WDR72: variants seen among roughly 807,000 people sequenced by gnomAD.
WDR72 encodes the protein WD repeat-containing protein 72.
Under a neutral mutation model 124.2 loss-of-function variants are expected in WDR72, and 120 were observed. That is an observed-to-expected ratio of 0.97 (90% CI 0.83 to 1.12). WDR72 has a LOEUF of 1.12. WDR72 is among the 50% of genes most tolerant of loss of function. The pLI, the probability that WDR72 is intolerant of heterozygous loss-of-function variation, is 0.00. For synonymous variants in WDR72, 452 were observed against 441.7 expected, an observed-to-expected ratio of 1.02 and a Z score of -0.29; for missense variants, 1,387 against 1,278.8, an observed-to-expected ratio of 1.08 and a Z score of -1.29.
chr15:53,620,305 A>G (rs2013939183), intron 14 of WDR72, among the ~76,000 whole-genome samples: 1 of 152,062 alleles, frequency 6.6e-6, no homozygotes, highest in Non-Finnish European at 1.5e-5. Context: ...AAAAATTCAT[A>G]TATATTGTCA....
At chr15:53,718,208 G>A (rs1047030760) in intron 3 of WDR72, among the ~76,000 whole-genome samples, 54 of 152,142 alleles carry the variant, frequency 3.5e-4, no homozygotes, top group African/African-American at 1.3e-3. Context: ...CCTGGCATGT[G>A]TGGTTTTGAA....
chr15:53,680,836 G>C (rs988720574), intron 13 of WDR72, among the ~76,000 whole-genome samples: 3 of 152,172 alleles, frequency 2.0e-5, no homozygotes, highest in Non-Finnish European at 4.4e-5. Flanking sequence ...CAGTGGAATG[G>C]AACCTGCTTC....
chr15:53,516,965 A>T lies in WDR72; in HGVS notation c.*734T>A, dbSNP rs945201533. 7.2e-5 allele frequency: 11 copies of T among 152,036 alleles called. No homozygotes were observed. The highest frequency in any genetic ancestry group is 2.4e-4 in the African/African-American group (10 of 41,442). 9.4% of individuals were successfully genotyped at this position (152,036 alleles called of 1,614,324 possible). A position where few individuals can be genotyped will look rare whatever the true frequency, so the allele number is the denominator to read the frequency against. ...TTATACTTAATAAGGATCAATTGTG[A>T]TATGCTGTAAGTTGATTCCCCTTCC... On this transcript the variant is annotated 3_prime_UTR_variant, in exon 20 of 20. Coordinates refer to ENST00000360509, the MANE Select transcript of WDR72 (RefSeq NM_182758.4).
chr15:53,559,075 G>A (rs1299275669), intron 18 of WDR72, among the ~76,000 whole-genome samples: 1 of 151,900 alleles, frequency 6.6e-6, no homozygotes, highest in Non-Finnish European at 1.5e-5. Context: ...TTAGTTCACA[G>A]AAATATAGCC....
chr15:53,635,642 G>C (rs1273137518), intron 14 of WDR72, among the ~76,000 whole-genome samples: 2 of 152,158 alleles, frequency 1.3e-5, no homozygotes, highest in South Asian at 2.1e-4. Flanking sequence ...TAAACACTGA[G>C]CACTCGTGGA....
chr15:53,672,269 G>C (rs2016018932), intron 13 of WDR72, among the ~76,000 whole-genome samples: 1 of 140,654 alleles, frequency 7.1e-6, no homozygotes, highest in Admixed American at 7.3e-5. Flanking sequence ...GAGACACAAA[G>C]CCTTAAGCAT....
At chr15:53,655,948 C>G (rs967332178) in intron 14 of WDR72, among the ~76,000 whole-genome samples, 1 of 152,224 alleles carries the variant, frequency 6.6e-6, no homozygotes, top group African/African-American at 2.4e-5. Context: ...ACCTCGGCCT[C>G]CCAAAGTGCT....
At chr15:53,648,343 C>T (rs1307702516) in intron 14 of WDR72, among the ~76,000 whole-genome samples, 2 of 152,068 alleles carry the variant, frequency 1.3e-5, no homozygotes, top group African/African-American at 4.8e-5. Context: ...TCTGTACTCA[C>T]CCTCTGGAGA....
intron 18 of WDR72, among the ~76,000 whole-genome samples, chr15:53,552,155 TATG>T (rs1893758231): frequency 6.6e-6 from 1 of 152,040 alleles, no homozygotes; most frequent in African/African-American, 2.4e-5. Flanking sequence ...TGTGTGTGTT[TATG>T]TATGTACTAG....
chr15:53,548,039 G>C (rs546758725), intron 18 of WDR72, among the ~76,000 whole-genome samples: 1 of 152,298 alleles, frequency 6.6e-6, no homozygotes, highest in Non-Finnish European at 1.5e-5. Flanking sequence ...TTGACCACTT[G>C]GATTTGTCTG....
upstream of WDR72, chr15:53,762,718 C>T (rs2019080995): frequency 1.3e-5 from 2 of 152,182 alleles, no homozygotes; most frequent in African/African-American, 4.8e-5. Flanking sequence ...GACCTAGTTG[C>T]TCTTGTCTGA....
At chr15:53,732,878 C>T (rs1055779304) in intron 2 of WDR72, 119 bp downstream of exon 2, 1 of 1,224,610 alleles carries the variant, frequency 8.2e-7, no homozygotes, top group Non-Finnish European at 1.2e-6. Context: ...CAATTTATTA[C>T]TTTAATAAAC....
chr15:53,727,581 A>G (rs2018078760), intron 2 of WDR72, among the ~76,000 whole-genome samples: 2 of 152,178 alleles, frequency 1.3e-5, no homozygotes, highest in Non-Finnish European at 2.9e-5. Flanking sequence ...ATCTCAGAGA[A>G]CAACATACTA....
At chr15:53,545,366 G>A (rs56154550) in intron 18 of WDR72, among the ~76,000 whole-genome samples, 28,262 of 139,634 alleles carry the variant, frequency 0.2, 3,112 homozygotes, top group African/African-American at 0.24. Flanking sequence ...CCGCATATCT[G>A]CAACTATCTG....
At chr15:53,734,004 T>A (rs946898036) in intron 1 of WDR72, among the ~76,000 whole-genome samples, 3 of 152,222 alleles carry the variant, frequency 2.0e-5, no homozygotes, top group Non-Finnish European at 2.9e-5. Flanking sequence ...GGGCCAAGCA[T>A]ACTTCCCACA....
chr15:53,595,056 C>T (rs756406107), intron 18 of WDR72, among the ~76,000 whole-genome samples: 5 of 152,040 alleles, frequency 3.3e-5, no homozygotes, highest in Non-Finnish European at 7.4e-5. Context: ...ATACGCCCAG[C>T]ATTTTGTGAA....
chr15:53,572,012 T>G (rs1894547350), intron 18 of WDR72, among the ~76,000 whole-genome samples: 1 of 152,192 alleles, frequency 6.6e-6, no homozygotes, highest in African/African-American at 2.4e-5. Context: ...CATTTCTGTC[T>G]TCTTTAGAGA....
chr15:53,576,231 G>T (rs970979515), intron 18 of WDR72, among the ~76,000 whole-genome samples: 3 of 152,168 alleles, frequency 2.0e-5, no homozygotes, highest in Non-Finnish European at 4.4e-5. Context: ...GTATGTGTTT[G>T]CCTAGGGGCA....
At chr15:53,638,832 G>A (rs1045499738) in intron 14 of WDR72, among the ~76,000 whole-genome samples, 5 of 151,634 alleles carry the variant, frequency 3.3e-5, no homozygotes, top group African/African-American at 4.8e-5. Context: ...GCAAAACCCC[G>A]TCTCTACTAA....
Sources: allele counts gnomAD v4.1 joint callset (sites outside exome capture counted in the v4.1 genomes callset), GRCh38; gene constraint gnomAD v4.1.1; transcripts MANE v1.5; gene names NCBI Gene and HGNC (gene_info 2026-07-23, HGNC 2026-07-21).